ELMO1: variants seen among roughly 807,000 people sequenced by gnomAD.
ELMO1 encodes the protein engulfment and cell motility protein 1.
ELMO1 carries 26 observed loss-of-function variants against 98.9 expected under a neutral mutation model. The ratio of observed to expected loss-of-function variants is 0.26; its 90% CI spans 0.19 to 0.36. The LOEUF is 0.36. Among genes scored for constraint, ELMO1 ranks in the 10% least tolerant of loss-of-function variants. ELMO1 has a pLI of 1.00. For synonymous variants in ELMO1, 346 were observed against 346.0 expected, an observed-to-expected ratio of 1.00 and a Z score of 0.00; for missense variants, 627 against 935.2, an observed-to-expected ratio of 0.67 and a Z score of 4.30.
chr7:37,160,839 T>G (rs913455630), intron 13 of ELMO1, among the ~76,000 whole-genome samples: 6 of 152,048 alleles, frequency 3.9e-5, no homozygotes, highest in Non-Finnish European at 8.8e-5. Flanking sequence ...AGAGGCTGGC[T>G]ACTTGCAACA....
At chr7:37,395,505 A>G (rs574117263) in intron 1 of ELMO1, among the ~76,000 whole-genome samples, 2 of 152,272 alleles carry the variant, frequency 1.3e-5, no homozygotes, top group Non-Finnish European at 1.5e-5. Context: ...CATGGGACAC[A>G]CTTGATATAT....
chr7:37,308,125 A>T (rs1798708319), intron 4 of ELMO1, among the ~76,000 whole-genome samples: 1 of 152,030 alleles, frequency 6.6e-6, no homozygotes, highest in Non-Finnish European at 1.5e-5. Context: ...ATAAATAAAT[A>T]ATTAATTAAT....
intron 18 of ELMO1, among the ~76,000 whole-genome samples, chr7:36,883,547 A>G (rs572836806): frequency 6.6e-6 from 1 of 152,084 alleles, no homozygotes; most frequent in Non-Finnish European, 1.5e-5. Context: ...GGTACTGTAT[A>G]GTGATAAAGT....
intron 16 of ELMO1, among the ~76,000 whole-genome samples, chr7:36,896,169 C>T (rs7798293): frequency 0.87 from 132,537 of 152,162 alleles, 57,848 homozygotes; most frequent in East Asian, 1. Context: ...TGCTGTTTAT[C>T]ACCTTATTTA....
chr7:36,862,588 G>C (rs1184112742), intron 20 of ELMO1, among the ~76,000 whole-genome samples: 2 of 152,242 alleles, frequency 1.3e-5, no homozygotes, highest in African/African-American at 4.8e-5. Context: ...TCATTCTAGT[G>C]GTCTGAGCGG....
rs898313717 is a variant in ELMO1 at position 37,259,264 on chromosome 7, G to A, written c.330C>T (p.Leu110=). 2 of 1,614,138 alleles carry A rather than the reference G, an allele frequency of 1.2e-6. No individual in the cohort carries two copies. The highest frequency in any genetic ancestry group is 8.5e-7 in the Non-Finnish European group (1 of 1,180,012). ...KLEALKDLAS[L]SRDVTFAQEF... ...CCTGGGCAAACGTGACATCCCGGGA[G>A]AGGCTGGCCAAGTCCTTCAGGGCTT... The change falls in exon 6 of 22, where the codon CTC becomes CTT. Residue 110 remains leucine, a synonymous_variant. Transcript: ENST00000310758.
intron 10 of ELMO1, among the ~76,000 whole-genome samples, chr7:37,221,648 C>T (rs1793601703): frequency 6.6e-6 from 1 of 152,078 alleles, no homozygotes; most frequent in African/African-American, 2.4e-5. Context: ...AGACAAAGGA[C>T]ACCATCAGAG....
intron 4 of ELMO1, among the ~76,000 whole-genome samples, chr7:37,302,668 G>A (rs1442190838): frequency 1.3e-5 from 2 of 152,088 alleles, no homozygotes; most frequent in Non-Finnish European, 2.9e-5. Context: ...ACATCAAGAA[G>A]AGACAAGCCA....
intron 6 of ELMO1, among the ~76,000 whole-genome samples, chr7:37,250,499 T>C (rs992008053): frequency 1.3e-5 from 2 of 152,184 alleles, no homozygotes; most frequent in Non-Finnish European, 2.9e-5. Flanking sequence ...GACAGATAAT[T>C]TTTCATAAGA....
At chr7:37,157,725 C>T (rs914351800) in intron 13 of ELMO1, among the ~76,000 whole-genome samples, 1 of 152,084 alleles carries the variant, frequency 6.6e-6, no homozygotes, top group Non-Finnish European at 1.5e-5. Context: ...AATGGCCATA[C>T]TGCCCAAGGT....
At chr7:37,400,402 C>T (rs1416767029) in intron 1 of ELMO1, among the ~76,000 whole-genome samples, 1 of 152,176 alleles carries the variant, frequency 6.6e-6, no homozygotes, top group African/African-American at 2.4e-5. Context: ...CTTCACCCAA[C>T]AGCAAATTCA....
chr7:37,145,660 G>A (rs1009914616), intron 13 of ELMO1, among the ~76,000 whole-genome samples: 16 of 152,164 alleles, frequency 1.1e-4, no homozygotes, highest in African/African-American at 3.9e-4. Context: ...TTATTAGCGT[G>A]GATAATAAAG....
chr7:37,009,658 T>C (rs955575165), intron 16 of ELMO1, among the ~76,000 whole-genome samples: 2 of 152,202 alleles, frequency 1.3e-5, no homozygotes, highest in Non-Finnish European at 2.9e-5. Context: ...AGAAGACAGA[T>C]AGCTAAGCCC....
At chr7:37,388,788 G>A (rs1168087607) in intron 1 of ELMO1, among the ~76,000 whole-genome samples, 1 of 152,194 alleles carries the variant, frequency 6.6e-6, no homozygotes, top group African/African-American at 2.4e-5. Flanking sequence ...GGGCAATAGA[G>A]AGAGACCCTG....
At chr7:36,878,652 G>A (rs1019063671) in intron 18 of ELMO1, among the ~76,000 whole-genome samples, 1 of 152,164 alleles carries the variant, frequency 6.6e-6, no homozygotes, top group Non-Finnish European at 1.5e-5. Flanking sequence ...TAATACACAT[G>A]GTGGGTGGGA....
chr7:37,180,988 CA>C (rs768604694), intron 13 of ELMO1, among the ~76,000 whole-genome samples: 1 of 151,682 alleles, frequency 6.6e-6, no homozygotes, highest in African/African-American at 2.4e-5. Context: ...AATAGAAACT[CA>C]AAAAAATGAT....
chr7:37,102,588 G>T (rs1563002158), intron 14 of ELMO1, among the ~76,000 whole-genome samples: 1 of 152,324 alleles, frequency 6.6e-6, no homozygotes, highest in East Asian at 1.9e-4. Flanking sequence ...GCAACAAACA[G>T]CTAACAGCTA....
chr7:37,161,826 T>C (rs1789220503), intron 13 of ELMO1, among the ~76,000 whole-genome samples: 1 of 145,886 alleles, frequency 6.9e-6, no homozygotes, highest in African/African-American at 2.5e-5. Flanking sequence ...ACAGGAAACT[T>C]CTACTCCCTG....
chr7:37,139,629 C>T (rs1203630017), intron 13 of ELMO1, among the ~76,000 whole-genome samples: 12 of 152,198 alleles, frequency 7.9e-5, no homozygotes, highest in Admixed American at 3.9e-4. Context: ...ATTGTGAAAA[C>T]GACCATACTG....
Sources: allele counts gnomAD v4.1 joint callset (sites outside exome capture counted in the v4.1 genomes callset), GRCh38; gene constraint gnomAD v4.1.1; transcripts MANE v1.5; gene names NCBI Gene and HGNC (gene_info 2026-07-23, HGNC 2026-07-21).